The following BMPR1B variants were observed in gnomAD, a reference collection of about 807,000 sequenced individuals.
BMPR1B encodes the protein bone morphogenetic protein receptor type-1B.
Under a neutral mutation model 59.1 loss-of-function variants are expected in BMPR1B, and 12 were observed. The observed-to-expected ratio is 0.20, with a 90% CI of 0.13 to 0.33. BMPR1B has a LOEUF of 0.33. Among genes scored for constraint, BMPR1B ranks in the 10% least tolerant of loss-of-function variants. The pLI is 1.00. For missense variants in BMPR1B, 550 were observed against 610.9 expected (o/e 0.90, Z 1.05); for synonymous variants, 237 against 207.3 (o/e 1.14, Z -1.23).
chr4:94,867,213 A>G (rs948833894), intron 1 of BMPR1B, among the ~76,000 whole-genome samples: 6 of 152,128 alleles, frequency 3.9e-5, no homozygotes, highest in Admixed American at 2.6e-4. Flanking sequence ...CCCATTCTCA[A>G]GCATGCCTCC....
At chr4:94,760,873 C>T (rs112974552) in intron 1 of BMPR1B, among the ~76,000 whole-genome samples, 3 of 152,098 alleles carry the variant, frequency 2.0e-5, no homozygotes, top group African/African-American at 7.2e-5. Context: ...TTTGTGGATG[C>T]AGTAGCTCAA....
chr4:95,021,388 G>A (rs1034829322), intron 3 of BMPR1B, among the ~76,000 whole-genome samples: 2 of 152,182 alleles, frequency 1.3e-5, no homozygotes, highest in African/African-American at 4.8e-5. Context: ...TTTAAAGAAG[G>A]TTTTTAACCT....
In BMPR1B at chr4:94,831,445, A is replaced by C. The variant is rs139675303; in HGVS notation, c.-182-44386A>C. Among the ~76,000 whole-genome samples, 795 of 152,284 alleles carry C rather than the reference A, an allele frequency of 5.2e-3. 11 individuals carry two copies. The highest frequency in any genetic ancestry group is 0.018 in the African/African-American group (764 of 41,564). On this transcript the variant is annotated intron_variant, in intron 1 of 12. Coordinates refer to ENST00000515059, the MANE Select transcript of BMPR1B (RefSeq NM_001203.3). ...TTATAACATAGATTAGTTAAACCTA[A>C]GTATACAATGTTTATAAAGTCTGCA...
intron 1 of BMPR1B, among the ~76,000 whole-genome samples, chr4:94,785,377 G>A (rs1005178535): frequency 6.6e-6 from 1 of 152,212 alleles, no homozygotes; most frequent in Non-Finnish European, 1.5e-5. Flanking sequence ...CCTCTTTGAA[G>A]GCTGTAAGGA....
chr4:94,814,844 TA>T (rs1360029197), intron 1 of BMPR1B, among the ~76,000 whole-genome samples: 3 of 152,090 alleles, frequency 2.0e-5, no homozygotes, highest in Non-Finnish European at 2.9e-5. Context: ...AACTAAATTT[TA>T]AAAAAGGTAT....
intron 1 of BMPR1B, among the ~76,000 whole-genome samples, chr4:94,796,757 C>G (rs1379215055): frequency 6.6e-6 from 1 of 152,008 alleles, no homozygotes. Context: ...CTGTATATTT[C>G]CAAAGATTAT....
intron 2 of BMPR1B, among the ~76,000 whole-genome samples, chr4:94,980,157 A>T (rs1327014240): frequency 6.6e-6 from 1 of 152,256 alleles, no homozygotes; most frequent in Non-Finnish European, 1.5e-5. Flanking sequence ...ACTGTACCTA[A>T]GAAAGCACAC....
intron 1 of BMPR1B, among the ~76,000 whole-genome samples, chr4:94,818,117 C>T (rs1304250565): frequency 6.6e-6 from 1 of 152,172 alleles, no homozygotes; most frequent in Non-Finnish European, 1.5e-5. Context: ...TAAAAAAGCA[C>T]TGCTGTTCTT....
At chr4:94,822,325 A>C (rs1367467528) in intron 1 of BMPR1B, among the ~76,000 whole-genome samples, 1 of 152,206 alleles carries the variant, frequency 6.6e-6, no homozygotes, top group African/African-American at 2.4e-5. Context: ...TCAGACCATG[A>C]CATTTATTAT....
At chr4:94,863,835 A>G (rs1726097318) in intron 1 of BMPR1B, among the ~76,000 whole-genome samples, 6 of 152,232 alleles carry the variant, frequency 3.9e-5, no homozygotes, top group Admixed American at 3.3e-4. Flanking sequence ...CCTGTGGTGC[A>G]TTCCCGAAAC....
At chr4:94,800,713 A>G (rs987571072) in intron 1 of BMPR1B, among the ~76,000 whole-genome samples, 11 of 152,192 alleles carry the variant, frequency 7.2e-5, no homozygotes, top group African/African-American at 2.2e-4. Flanking sequence ...TCCTCTTTGG[A>G]TTGTTTGGAG....
intron 1 of BMPR1B, among the ~76,000 whole-genome samples, chr4:94,836,823 A>G (rs1369767140): frequency 6.7e-6 from 1 of 149,120 alleles, no homozygotes. Context: ...TTAGACATGA[A>G]GTCCTTGCCC....
At chr4:95,011,498 G>A (rs58528248) in intron 3 of BMPR1B, among the ~76,000 whole-genome samples, 37,711 of 152,046 alleles carry the variant, frequency 0.25, 6,067 homozygotes, top group African/African-American at 0.46. Context: ...TGTGGCTGCT[G>A]TCGCTCTAGC....
chr4:94,831,661 A>G (rs976556798), intron 1 of BMPR1B, among the ~76,000 whole-genome samples: 1 of 152,156 alleles, frequency 6.6e-6, no homozygotes, highest in Non-Finnish European at 1.5e-5. Flanking sequence ...CACAAATACC[A>G]TTATGTTATA....
At chr4:95,018,512 C>T (rs1313789709) in intron 3 of BMPR1B, among the ~76,000 whole-genome samples, 1 of 152,050 alleles carries the variant, frequency 6.6e-6, no homozygotes, top group South Asian at 2.1e-4. Context: ...AGTTGTTTCC[C>T]TGAGTTAATA....
intron 7 of BMPR1B, 63 bp downstream of exon 7, chr4:95,123,969 C>A (rs1408313331): frequency 2.3e-5 from 26 of 1,141,536 alleles, no homozygotes; most frequent in East Asian, 2.4e-5. Context: ...TACTAATATT[C>A]TGCTTTTGCC....
At chr4:94,881,307 A>T (rs925217986) in intron 2 of BMPR1B, among the ~76,000 whole-genome samples, 4 of 152,028 alleles carry the variant, frequency 2.6e-5, no homozygotes, top group African/African-American at 9.7e-5. Context: ...CCACAAACAC[A>T]TGCGTATTTA....
chr4:94,836,136 C>A (rs1274451728), intron 1 of BMPR1B, among the ~76,000 whole-genome samples: 1 of 148,678 alleles, frequency 6.7e-6, no homozygotes, highest in African/African-American at 2.5e-5. Flanking sequence ...ATATGTGCCA[C>A]ATTTTCTTAA....
intron 6 of BMPR1B, among the ~76,000 whole-genome samples, chr4:95,120,323 T>TGAAC (rs1450752567): frequency 6.6e-6 from 1 of 152,238 alleles, no homozygotes; most frequent in Non-Finnish European, 1.5e-5. Context: ...AGTGTGGCAA[T>TGAAC]GAACATACAA....
Sources: allele counts gnomAD v4.1 joint callset (sites outside exome capture counted in the v4.1 genomes callset), GRCh38; gene constraint gnomAD v4.1.1; transcripts MANE v1.5; gene names NCBI Gene and HGNC (gene_info 2026-07-23, HGNC 2026-07-21).